The following TSC22D1 variants were observed in gnomAD, a reference collection of about 807,000 sequenced individuals.
The protein encoded by TSC22D1 is TSC22 domain family protein 1.
Under a neutral mutation model 74.2 loss-of-function variants are expected in TSC22D1, and 9 were observed. That is an observed-to-expected ratio of 0.12 (90% CI 0.07 to 0.21). TSC22D1 has a LOEUF of 0.21. Ranked by LOEUF, TSC22D1 falls within the 10% of genes least tolerant of loss-of-function variation. TSC22D1 has a pLI of 1.00. For synonymous variants in TSC22D1, 586 were observed against 492.5 expected (o/e 1.19, Z -2.51); for missense variants, 1,427 against 1,304.7 (o/e 1.09, Z -1.44).
chr13:44,536,052 T>G (rs1235373594), intron 1 of TSC22D1, among the ~76,000 whole-genome samples: 2 of 151,974 alleles, frequency 1.3e-5, no homozygotes. Context: ...AAAACAAAAT[T>G]TTGTGCACAG....
chr13:44,513,540 T>C (rs990242494), intron 1 of TSC22D1, among the ~76,000 whole-genome samples: 3 of 152,268 alleles, frequency 2.0e-5, no homozygotes, highest in Middle Eastern at 3.4e-3. Context: ...GATAACTAGA[T>C]TGGGAAGAAA....
chr13:44,511,619 T>TACACACAC (rs66743224), intron 1 of TSC22D1, among the ~76,000 whole-genome samples: 214 of 148,166 alleles, frequency 1.4e-3, no homozygotes, highest in Admixed American at 1.7e-3. Flanking sequence ...TAAAAAGAAA[T>TACACACAC]ACACACACAC....
Position 44,575,841 on chromosome 13 carries a change from C to A in TSC22D1, c.234G>T (p.Gln78His). The change falls in exon 1 of 3, where the codon CAG becomes CAT. Residue 78 changes from glutamine (Q) to histidine (H), a missense_variant. By Grantham distance (24) the Gln-to-His change is conservative. Around this residue, in one of 3 missense-constraint regions of TSC22D1, gnomAD observed 1,343 missense variants for 1,191.5 expected, o/e 1.13. Transcript: ENST00000458659. ...GGTTCAGGCTTTGTGGAGGCGGAGG[C>A]TGTGGTCCCGACGTAGAAGATGCTG... ...PPAASSTSGPQPPPPQSLNLL... is the reference protein window; with the variant it reads ...PPAASSTSGPHPPPPQSLNLL... The A allele has an allele frequency of 6.2e-7, 1 of 1,613,938 alleles. No individual in the cohort carries two copies. The highest frequency in any genetic ancestry group is 8.5e-7 in the Non-Finnish European group (1 of 1,179,960).
intron 1 of TSC22D1, among the ~76,000 whole-genome samples, chr13:44,455,724 G>A (rs922917688): frequency 2.6e-5 from 4 of 152,056 alleles, no homozygotes; most frequent in Non-Finnish European, 4.4e-5. Flanking sequence ...AATCGCATAG[G>A]GAATCTATTA....
intron 1 of TSC22D1, among the ~76,000 whole-genome samples, chr13:44,560,614 A>G (rs1280179868): frequency 1.3e-5 from 2 of 152,214 alleles, no homozygotes; most frequent in Non-Finnish European, 2.9e-5. Context: ...GTAAAAAAGT[A>G]TGAAACAACT....
At chr13:44,523,394 A>C (rs1595136142) in intron 1 of TSC22D1, among the ~76,000 whole-genome samples, 1 of 152,222 alleles carries the variant, frequency 6.6e-6, no homozygotes, top group East Asian at 1.9e-4. Flanking sequence ...CAAGCAACCA[A>C]GCTGTCCTTC....
chr13:44,491,415 G>A (rs565882335), intron 1 of TSC22D1, among the ~76,000 whole-genome samples: 2 of 151,840 alleles, frequency 1.3e-5, no homozygotes, highest in African/African-American at 2.4e-5. Flanking sequence ...TTAGCTGGAC[G>A]TAGTGGTAGG....
chr13:44,452,093 G>A (rs1008194887), intron 1 of TSC22D1, among the ~76,000 whole-genome samples: 7 of 152,192 alleles, frequency 4.6e-5, no homozygotes, highest in African/African-American at 1.2e-4. Flanking sequence ...CGACTTGACA[G>A]AAGAGGAGAA....
At chr13:44,519,741 G>T (rs916344082) in intron 1 of TSC22D1, among the ~76,000 whole-genome samples, 1 of 152,036 alleles carries the variant, frequency 6.6e-6, no homozygotes. Flanking sequence ...TTAGCATAAG[G>T]TTATATACAA....
At chr13:44,563,496 T>G (rs1459840217) in intron 1 of TSC22D1, among the ~76,000 whole-genome samples, 1 of 152,194 alleles carries the variant, frequency 6.6e-6, no homozygotes, top group Non-Finnish European at 1.5e-5. Context: ...GAACACCATT[T>G]AGTCAACAAG....
At chr13:44,531,379 G>A (rs1880829447) in intron 1 of TSC22D1, among the ~76,000 whole-genome samples, 1 of 152,296 alleles carries the variant, frequency 6.6e-6, no homozygotes, top group African/African-American at 2.4e-5. Flanking sequence ...TGGTGTAATA[G>A]ATCAACAGAT....
chr13:44,541,630 T>G (rs1881475242), intron 1 of TSC22D1, among the ~76,000 whole-genome samples: 1 of 152,168 alleles, frequency 6.6e-6, no homozygotes, highest in Non-Finnish European at 1.5e-5. Context: ...ATCAGTAGGC[T>G]TTAAAAAGTA....
At chr13:44,436,362 T>C in intron 1 of TSC22D1, 2 of 1,216,568 alleles carry the variant, frequency 1.6e-6, no homozygotes, top group Non-Finnish European at 2.3e-6. Context: ...AAAATAAGGT[T>C]TTTTAACATT....
intron 1 of TSC22D1, among the ~76,000 whole-genome samples, chr13:44,519,845 T>C (rs8001084): frequency 0.99 from 151,384 of 152,196 alleles, 75,300 homozygotes; most frequent in East Asian, 1. Flanking sequence ...ATTTCAGCCC[T>C]CCAGCCCGTA....
intron 1 of TSC22D1, among the ~76,000 whole-genome samples, chr13:44,530,093 G>C (rs1387866670): frequency 6.6e-6 from 1 of 151,982 alleles, no homozygotes; most frequent in African/African-American, 2.4e-5. Context: ...AAAGCAAAAG[G>C]TCCAAAATGG....
chr13:44,518,742 A>G (rs189078399), intron 1 of TSC22D1, among the ~76,000 whole-genome samples: 2 of 152,158 alleles, frequency 1.3e-5, no homozygotes, highest in Admixed American at 6.5e-5. Flanking sequence ...TTAATAGGCA[A>G]ACTGACACTG....
At chr13:44,472,118 T>G (rs1877638477) in intron 1 of TSC22D1, among the ~76,000 whole-genome samples, 1 of 152,220 alleles carries the variant, frequency 6.6e-6, no homozygotes, top group Non-Finnish European at 1.5e-5. Flanking sequence ...AATCTCTTAC[T>G]GTGCCTAATT....
chr13:44,566,868 C>T (rs1345643240), intron 1 of TSC22D1, among the ~76,000 whole-genome samples: 1 of 152,108 alleles, frequency 6.6e-6, no homozygotes, highest in Non-Finnish European at 1.5e-5. Flanking sequence ...CCAATTTAAA[C>T]TGCAAAATCC....
rs2234259 is a variant in TSC22D1 at position 44,436,102 on chromosome 13, A to G, written c.2913-7T>C. 20 of 1,611,288 alleles carry G rather than the reference A, an allele frequency of 1.2e-5. No individual in the cohort carries two copies. Among genetic ancestry groups the G allele is most frequent in the East Asian group, 2.2e-5 (1 of 44,864 alleles). ...CACACTTGCACCAGAGGAGCTGAAAAAGAGGAGGGAAAAAGGTCATCGATA... is the reference window on the plus strand; with the variant it reads ...CACACTTGCACCAGAGGAGCTGAAAGAGAGGAGGGAAAAAGGTCATCGATA... On this transcript the variant is annotated splice_region_variant and splice_polypyrimidine_tract_variant and intron_variant, in intron 1 of 2. Transcript: ENST00000458659.
Sources: allele counts gnomAD v4.1 joint callset (sites outside exome capture counted in the v4.1 genomes callset), GRCh38; gene constraint gnomAD v4.1.1; regional missense constraint gnomAD v4.1.1; transcripts MANE v1.5; gene names NCBI Gene and HGNC (gene_info 2026-07-23, HGNC 2026-07-21).